The following CNOT1 variants were observed in gnomAD, a reference collection of about 807,000 sequenced individuals.
CNOT1 encodes the protein CCR4-NOT transcription complex subunit 1, also known as CCR4-associated factor 1.
CNOT1 carries 15 observed loss-of-function variants against 273.8 expected under a neutral mutation model. The observed-to-expected ratio is 0.05, with a 90% confidence interval of 0.04 to 0.08. The LOEUF (loss-of-function observed/expected upper bound fraction) is 0.08. CNOT1 is among the 10% of genes least tolerant of loss of function. The probability of loss-of-function intolerance (pLI) is 1.00; values close to 1 mark genes in which losing one functional copy is unlikely to be tolerated. For synonymous variants in CNOT1, 1,022 were observed against 1,005.5 expected, an observed-to-expected ratio of 1.02 and a Z score of -0.31; for missense variants, 1,644 against 2,912.2, an observed-to-expected ratio of 0.56 and a Z score of 10.02.
chr16:58,585,745 C>A (rs1262955355), intron 7 of CNOT1, among the ~76,000 whole-genome samples: 1 of 152,206 alleles, frequency 6.6e-6, no homozygotes, highest in Non-Finnish European at 1.5e-5. Context: ...CACTGGCATT[C>A]CATCTACTGA....
chr16:58,594,924 G>A (rs984809255), intron 2 of CNOT1, among the ~76,000 whole-genome samples: 1 of 151,980 alleles, frequency 6.6e-6, no homozygotes, highest in African/African-American at 2.4e-5. Flanking sequence ...AGACCGGCCT[G>A]GCCAAGATGG....
intron 1 of CNOT1, among the ~76,000 whole-genome samples, chr16:58,617,044 G>A (rs2043113984): frequency 6.6e-6 from 1 of 152,194 alleles, no homozygotes; most frequent in Non-Finnish European, 1.5e-5. Context: ...CTGGCATTCA[G>A]TGAGAATTAA....
intron 18 of CNOT1, among the ~76,000 whole-genome samples, chr16:58,557,272 TACTCCTATACCCAAGGTAGTTA>T (rs2040663474): frequency 6.6e-6 from 1 of 152,208 alleles, no homozygotes; most frequent in Non-Finnish European, 1.5e-5. Flanking sequence ...TCAAAGCACA[TACTCCTATACCCAAGGTAGTTA>T]AAATAAGGAG....
chr16:58,619,718 G>A (rs1023700955), intron 1 of CNOT1, among the ~76,000 whole-genome samples: 9 of 152,008 alleles, frequency 5.9e-5, no homozygotes, highest in Non-Finnish European at 7.4e-5. Flanking sequence ...GCCACCGCGC[G>A]TAGCCAAGTT....
At position 58,599,448 on chromosome 16, in the gene CNOT1, G is replaced by A. The variant is rs996318373; in HGVS notation, c.-111C>T. On this transcript the variant is annotated 5_prime_UTR_variant, in exon 2 of 49. Transcript: ENST00000317147. ...TTTCTTTGTAATTAGGCTATATCTG[G>A]TATCTGTATAATATCTTCAGTTCTT... 1 of 1,314,842 alleles carries A rather than the reference G, an allele frequency of 7.6e-7. No individual in the cohort carries two copies. The highest frequency in any genetic ancestry group is 1.1e-6 in the Non-Finnish European group (1 of 942,682). The allele number at this position is 1,314,842 out of a possible 1,614,324, so 81.4% of individuals were successfully genotyped here.
chr16:58,613,863 T>C lies in CNOT1; in HGVS notation c.-174-14352A>G, dbSNP rs1049322361. Among the ~76,000 whole-genome samples, 3 of 119,574 alleles carry C rather than the reference T, an allele frequency of 2.5e-5. 1 individual carries two copies. The highest frequency in any genetic ancestry group is 2.5e-4 in the South Asian group (1 of 4,076). The allele number at this position is 119,574 out of a possible 152,430, so 78.4% of individuals were successfully genotyped here. On this transcript the variant is annotated intron_variant, in intron 1 of 48. Coordinates refer to ENST00000317147, the MANE Select transcript of CNOT1 (RefSeq NM_016284.5). ...CAGCACTTTGGGAGGCCGAGGCGGG[T>C]GGATCACGAGGTCAGGAGATAGGGA... is the stretch of plus-strand genomic sequence containing the variant.
intron 33 of CNOT1, 32 bp downstream of exon 33, chr16:58,542,199 G>A (rs1374119305): frequency 6.2e-7 from 1 of 1,605,114 alleles, no homozygotes; most frequent in East Asian, 2.2e-5. Context: ...AAACAAAGAT[G>A]GGACGGGGAA....
At chr16:58,526,772 G>A (rs1484497274) in intron 44 of CNOT1, among the ~76,000 whole-genome samples, 12 of 147,794 alleles carry the variant, frequency 8.1e-5, no homozygotes, top group Non-Finnish European at 1.0e-4. Flanking sequence ...GCCACAGCTC[G>A]CGCCATTGCG....
rs1472906142 is a variant in CNOT1, at chr16:58,580,794, G to T, written c.1216-34C>A. On this transcript the variant is annotated intron_variant, in intron 11 of 48. Coordinates refer to ENST00000317147, the MANE Select transcript of CNOT1 (RefSeq NM_016284.5). ...AAAGAAAATGCTTACCACCATAAAT[G>T]ATTGTGAATGCTATAAAAATCTGAA... The T allele has an allele frequency of 1.9e-6, 3 of 1,572,924 alleles. No individual in the cohort carries two copies. The South Asian group carries it at 3.5e-5, about 18-fold the overall frequency.
At chr16:58,578,606 T>TAA (rs35176616) in intron 13 of CNOT1, 93 bp downstream of exon 13, 132 of 1,493,004 alleles carry the variant, frequency 8.8e-5, no homozygotes, top group South Asian at 5.2e-4. Context: ...TTCAGAGATG[T>TAA]AAAAAAAAAT....
rs2151916362 is a variant in CNOT1, at chr16:58,542,332, A to T, written c.4579T>A (p.Phe1527Ile). ...TGCCTAGCATGTTTTCTCAGCTCAA[A>T]TTCCTGCAAACAAAAAAAGTCACTG... ...PEMDKRLATE[F>I]ELRKHARQEG... Residue 1527 changes from phenylalanine to isoleucine, a missense_variant, in exon 33 of 49, where the codon TTT becomes ATT. Phe to Ile is a conservative substitution (Grantham distance 21). This residue lies in a region of CNOT1 where 133 missense variants were observed against 230.4 expected (regional missense o/e 0.58). Coordinates refer to ENST00000317147, the MANE Select transcript of CNOT1 (RefSeq NM_016284.5). 3 of 1,614,080 alleles carry T rather than the reference A, an allele frequency of 1.9e-6. No individual in the cohort carries two copies. Among genetic ancestry groups the T allele is most frequent in the Non-Finnish European group, 2.5e-6 (3 of 1,180,010 alleles).
intron 1 of CNOT1, among the ~76,000 whole-genome samples, chr16:58,620,395 C>T (rs1431791091): frequency 1.3e-5 from 2 of 152,058 alleles, no homozygotes; most frequent in East Asian, 1.9e-4. Context: ...AATCCCAACA[C>T]TTTGGGAGGC....
chr16:58,592,999 T>C (rs1421283289), intron 2 of CNOT1, among the ~76,000 whole-genome samples: 1 of 152,152 alleles, frequency 6.6e-6, no homozygotes, highest in African/African-American at 2.4e-5. Context: ...CTCCTCACCC[T>C]CAAGCATGCC....
At chr16:58,610,431 C>T (rs1453324989) in intron 1 of CNOT1, among the ~76,000 whole-genome samples, 1 of 151,622 alleles carries the variant, frequency 6.6e-6, no homozygotes, top group Admixed American at 6.6e-5. Flanking sequence ...AGGCCAGGCG[C>T]GGTAGCTCAT....
intron 43 of CNOT1, among the ~76,000 whole-genome samples, chr16:58,529,378 G>C (rs1432857753): frequency 6.6e-6 from 1 of 152,190 alleles, no homozygotes; most frequent in Non-Finnish European, 1.5e-5. Flanking sequence ...CAAGCTGTGA[G>C]AGTGGGAGAT....
At position 58,541,542 on chromosome 16, in the gene CNOT1, C is replaced by T. The variant is rs1475201991; in HGVS notation, c.4759G>A (p.Asp1587Asn). The T allele has an allele frequency of 1.9e-6, 3 of 1,614,006 alleles. No homozygotes were observed. The highest frequency in any genetic ancestry group is 2.5e-6 in the Non-Finnish European group (3 of 1,179,916). ...RNVPGFLPTNDLSQPTGFLAQ... is the reference protein window; with the variant it reads ...RNVPGFLPTNNLSQPTGFLAQ... ...AAAAATCCCGTGGGCTGACTTAAGT[C>T]ATTTGTAGGTAAGAAGCCAGGAACA... The change falls in exon 34 of 49, where the codon GAC becomes AAC. Residue 1587 changes from aspartate to asparagine, a missense_variant. By Grantham distance (23) the Asp-to-Asn change is conservative. Transcript: ENST00000317147.
In CNOT1 at chr16:58,547,312, T is replaced by C; in HGVS notation, c.3640-16A>G. ...CATCCAAGTCCTAGAATAAGAAAAA[T>C]ACTTTCAAAAGCGGGGAATATACCC... On this transcript the variant is annotated splice_polypyrimidine_tract_variant and intron_variant, in intron 26 of 48. Coordinates refer to ENST00000317147, the MANE Select transcript of CNOT1 (RefSeq NM_016284.5). The surrounding 1 kb of genome is among the most constrained non-coding windows in gnomAD (Gnocchi z 4.0). The C allele has an allele frequency of 6.2e-7, 1 of 1,611,414 alleles. No individual in the cohort carries two copies. Among genetic ancestry groups the C allele is most frequent in the Non-Finnish European group, 8.5e-7 (1 of 1,179,142 alleles).
chr16:58,520,863 AAGTC>A lies in CNOT1; in HGVS notation c.*91_*94del, dbSNP rs1433926878. On this transcript the variant is annotated 3_prime_UTR_variant, in exon 49 of 49. Transcript: ENST00000317147. Reference sequence around the variant, plus strand: ...ATACCCACAAACCAAAGGGCTGGGAAAGTCAGGAAGAGCTGAAAGGATTCTTCAG... The same window carrying A: ...ATACCCACAAACCAAAGGGCTGGGAAAGGAAGAGCTGAAAGGATTCTTCAG... 3.1e-6 allele frequency: 4 copies of A among 1,295,048 alleles called. No individual in the cohort carries two copies. In the Admixed American group the frequency reaches 6.8e-5, roughly 22 times the overall value. The allele number at this position is 1,295,048 out of a possible 1,614,324, so 80.2% of individuals were successfully genotyped here. A position where few individuals can be genotyped will look rare whatever the true frequency, so the allele number is the denominator to read the frequency against.
In CNOT1 at chr16:58,551,572, A is replaced by T. The variant is rs1293956955; in HGVS notation, c.3201+17T>A. 1.2e-6 allele frequency: 2 copies of T among 1,605,838 alleles called. No homozygotes were observed. On this transcript the variant is annotated intron_variant, in intron 23 of 48. Transcript: ENST00000317147. ...TAATCATAAATCCTGGAAGAGAAAA[A>T]AGATAGATCTACTTACTGGCACATC...
Sources: gnomAD v4.1 joint callset for allele counts (sites outside exome capture counted in the v4.1 genomes callset) on GRCh38, gnomAD v4.1.1 for gene constraint, gnomAD v4.1.1 regional missense constraint, Gnocchi (gnomAD v3.1) non-coding constraint, MANE v1.5 for transcripts, NCBI Gene and HGNC (gene_info 2026-07-23, HGNC 2026-07-21) for gene names.